GPHN: variants seen among roughly 807,000 people sequenced by gnomAD.
The protein encoded by GPHN is gephyrin.
Under a neutral mutation model 95.5 loss-of-function variants are expected in GPHN, and 17 were observed. The ratio of observed to expected loss-of-function variants is 0.18; its 90% confidence interval spans 0.12 to 0.27. The LOEUF (loss-of-function observed/expected upper bound fraction) is 0.27. Among genes scored for constraint, GPHN ranks in the 10% least tolerant of loss-of-function variants. GPHN has a pLI of 1.00. For missense variants in GPHN, 660 were observed against 978.1 expected (o/e 0.67, Z 4.34); for synonymous variants, 320 against 322.5 (o/e 0.99, Z 0.08).
At chr14:66,886,529 A>C (rs1428270565) in intron 5 of GPHN, among the ~76,000 whole-genome samples, 2 of 152,064 alleles carry the variant, frequency 1.3e-5, no homozygotes, top group Non-Finnish European at 2.9e-5. Flanking sequence ...TGTATCCTTT[A>C]AAAAAATAAA....
At chr14:66,907,822 G>T (rs1406888004) in intron 5 of GPHN, among the ~76,000 whole-genome samples, 1 of 151,976 alleles carries the variant, frequency 6.6e-6, no homozygotes, top group African/African-American at 2.4e-5. Flanking sequence ...TACTGGAATT[G>T]AACAGTTAAT....
chr14:67,216,123 G>A, the GPHN span, among the ~76,000 whole-genome samples: 2 of 151,800 alleles, frequency 1.3e-5, no homozygotes, highest in Admixed American at 1.3e-4. Context: ...TCTAACATGT[G>A]GTACATTTGT....
At chr14:67,576,853 T>C in the GPHN span, among the ~76,000 whole-genome samples, 4 of 152,178 alleles carry the variant, frequency 2.6e-5, no homozygotes, top group South Asian at 2.1e-4. The surrounding 1 kb of genome is among the most constrained non-coding windows in gnomAD (Gnocchi z 4.0). Context: ...GAAGCCTAAA[T>C]TGGGATCGGA....
the GPHN span, chr14:67,645,534 C>A: frequency 1.6e-6 from 2 of 1,250,510 alleles, no homozygotes; most frequent in Non-Finnish European, 2.2e-6. Context: ...TCCATCTAGG[C>A]CCTGGCTTTG....
At chr14:66,950,266 A>G (rs544278074) in intron 8 of GPHN, among the ~76,000 whole-genome samples, 1 of 152,172 alleles carries the variant, frequency 6.6e-6, no homozygotes, top group South Asian at 2.1e-4. Flanking sequence ...TTTCCTTCTC[A>G]TTTGTTCTGA....
the GPHN span, among the ~76,000 whole-genome samples, chr14:67,520,855 G>A: frequency 6.6e-6 from 1 of 152,230 alleles, no homozygotes; most frequent in African/African-American, 2.4e-5. Context: ...TGGATTGTGT[G>A]GTGAGAGTAT....
At chr14:67,053,058 GA>G (rs113721368) in intron 10 of GPHN, among the ~76,000 whole-genome samples, 12 of 113,828 alleles carry the variant, frequency 1.1e-4, no homozygotes, top group East Asian at 2.7e-4. Context: ...GAGCAAAAAA[GA>G]AAAAAAAAAG....
intron 1 of GPHN, among the ~76,000 whole-genome samples, chr14:66,652,363 G>T (rs568718328): frequency 1.1e-4 from 16 of 152,048 alleles, no homozygotes; most frequent in African/African-American, 3.6e-4. Context: ...TTAAGCAAAT[G>T]CGTGTATACA....
the GPHN span, among the ~76,000 whole-genome samples, chr14:67,266,837 C>T: frequency 6.6e-6 from 1 of 152,000 alleles, no homozygotes; most frequent in African/African-American, 2.4e-5. Context: ...TGGCTGGGCA[C>T]AGTGGCTCAT....
At chr14:67,639,004 C>T in the GPHN span, among the ~76,000 whole-genome samples, 45 of 152,188 alleles carry the variant, frequency 3.0e-4, no homozygotes, top group African/African-American at 1.1e-3. Flanking sequence ...ATCCACTACC[C>T]AGGTTGGGAA....
chr14:67,709,154 A>C, the GPHN span, among the ~76,000 whole-genome samples: 1 of 152,226 alleles, frequency 6.6e-6, no homozygotes, highest in Admixed American at 6.5e-5. Context: ...GATTTTGGAA[A>C]GTTTGTCAAA....
chr14:67,056,829 G>A (rs2075596472), intron 10 of GPHN, among the ~76,000 whole-genome samples: 1 of 152,102 alleles, frequency 6.6e-6, no homozygotes, highest in Non-Finnish European at 1.5e-5. Context: ...GGTCACTCAG[G>A]CATGGCGGGC....
At chr14:67,661,278 C>CAAA in the GPHN span, among the ~76,000 whole-genome samples, 625 of 55,972 alleles carry the variant, frequency 0.011, 8 homozygotes, top group East Asian at 0.018. Flanking sequence ...AGGGCTAGAG[C>CAAA]AAAAAAAAAA....
intron 9 of GPHN, among the ~76,000 whole-genome samples, chr14:66,965,970 T>G (rs950176706): frequency 1.8e-4 from 27 of 152,118 alleles, no homozygotes; most frequent in Admixed American, 7.2e-4. Flanking sequence ...ACATGATAAA[T>G]TAACTAGCAG....
chr14:67,149,492 T>C (rs536208012), intron 18 of GPHN, among the ~76,000 whole-genome samples: 1 of 152,230 alleles, frequency 6.6e-6, no homozygotes, highest in Non-Finnish European at 1.5e-5. Context: ...ACAAAAACTC[T>C]TAGGGATCCT....
At chr14:66,625,493 C>A (rs527456844) in intron 1 of GPHN, among the ~76,000 whole-genome samples, 17 of 152,148 alleles carry the variant, frequency 1.1e-4, no homozygotes, top group African/African-American at 2.6e-4. Context: ...CAATTTCCCC[C>A]CCAATTTTCT....
the GPHN span, chr14:67,360,050 T>G: frequency 9.0e-6 from 4 of 442,868 alleles, no homozygotes; most frequent in Non-Finnish European, 1.2e-5. Context: ...CGTGCACGCC[T>G]TGTCTTTCTC....
chr14:67,658,013 T>C, the GPHN span, among the ~76,000 whole-genome samples: 1 of 152,094 alleles, frequency 6.6e-6, no homozygotes, highest in Non-Finnish European at 1.5e-5. Context: ...CCTCCCAAGG[T>C]GCTGGGATTA....
chr14:67,325,869 C>T, the GPHN span, among the ~76,000 whole-genome samples: 115 of 150,914 alleles, frequency 7.6e-4, no homozygotes, highest in South Asian at 6.1e-3. Context: ...AATGCAGTGG[C>T]GTAATCTTGG....
Sources: allele counts gnomAD v4.1 joint callset (sites outside exome capture counted in the v4.1 genomes callset), GRCh38; gene constraint gnomAD v4.1.1; non-coding constraint Gnocchi (gnomAD v3.1); transcripts MANE v1.5; gene names NCBI Gene and HGNC (gene_info 2026-07-23, HGNC 2026-07-21).